The following OSBPL1A variants were observed in gnomAD, a reference collection of about 807,000 sequenced individuals.
OSBPL1A encodes the protein oxysterol binding protein like 1A.
OSBPL1A carries 80 observed loss-of-function variants against 137.1 expected under a neutral mutation model. The observed-to-expected ratio is 0.58, with a 90% CI of 0.49 to 0.70. OSBPL1A has a LOEUF of 0.70. OSBPL1A is among the 30% of genes least tolerant of loss of function. The probability of loss-of-function intolerance (pLI) is 0.00; values close to 1 mark genes in which losing one functional copy is unlikely to be tolerated. For synonymous variants in OSBPL1A, 365 were observed against 389.7 expected (o/e 0.94, Z 0.75); for missense variants, 970 against 1,129.4 (o/e 0.86, Z 2.02).
chr18:24,272,131 CG>C, intron 15 of OSBPL1A: 2 of 983,910 alleles, frequency 2.0e-6, no homozygotes, highest in Non-Finnish European at 2.4e-6. Context: ...GAGGAGAGGT[CG>C]GGGACTGCTC....
At chr18:24,321,377 G>A (rs529222977) in intron 7 of OSBPL1A, among the ~76,000 whole-genome samples, 3 of 152,292 alleles carry the variant, frequency 2.0e-5, no homozygotes, top group Admixed American at 1.3e-4. Flanking sequence ...GCTCACCACA[G>A]CCTCGACCTC....
intron 7 of OSBPL1A, among the ~76,000 whole-genome samples, chr18:24,322,739 A>G (rs2090888937): frequency 6.6e-6 from 1 of 152,146 alleles, no homozygotes; most frequent in Non-Finnish European, 1.5e-5. Flanking sequence ...ACTCCTGCCA[A>G]CTAGATGAAA....
intron 2 of OSBPL1A, among the ~76,000 whole-genome samples, chr18:24,372,999 G>A (rs1053197324): frequency 2.0e-5 from 3 of 152,102 alleles, no homozygotes; most frequent in Admixed American, 6.6e-5. Context: ...AAGAGGAGGT[G>A]GAGGTTGCAG....
intron 17 of OSBPL1A, among the ~76,000 whole-genome samples, chr18:24,203,478 T>A (rs1235365430): frequency 6.6e-6 from 1 of 152,180 alleles, no homozygotes; most frequent in Non-Finnish European, 1.5e-5. Context: ...TTTCACGAAA[T>A]ATCAAGGACA....
chr18:24,289,568 C>T (rs2090138848), intron 14 of OSBPL1A, among the ~76,000 whole-genome samples: 1 of 151,846 alleles, frequency 6.6e-6, no homozygotes, highest in African/African-American at 2.4e-5. Context: ...TACAGGCACA[C>T]GCCACAACAT....
At chr18:24,309,324 T>C (rs2090569697) in intron 13 of OSBPL1A, among the ~76,000 whole-genome samples, 1 of 152,190 alleles carries the variant, frequency 6.6e-6, no homozygotes, top group South Asian at 2.1e-4. Flanking sequence ...AAAAAATGTT[T>C]ATACTGAAAA....
intron 15 of OSBPL1A, among the ~76,000 whole-genome samples, chr18:24,250,013 T>G (rs367921675): frequency 9.9e-5 from 15 of 151,978 alleles, no homozygotes; most frequent in African/African-American, 3.6e-4. Flanking sequence ...TCCTTCTGCT[T>G]AAGGAGAAGA....
intron 18 of OSBPL1A, among the ~76,000 whole-genome samples, chr18:24,184,370 C>T (rs762189804): frequency 9.2e-5 from 14 of 152,262 alleles, no homozygotes; most frequent in African/African-American, 2.2e-4. Context: ...TCATTAAACA[C>T]GTATTTAACT....
intron 4 of OSBPL1A, chr18:24,357,546 T>C (rs2091557946): frequency 6.6e-6 from 1 of 152,166 alleles, no homozygotes; most frequent in Non-Finnish European, 1.5e-5. Flanking sequence ...GTAGCCACCT[T>C]ATTTAGGAAC....
intron 1 of OSBPL1A, among the ~76,000 whole-genome samples, chr18:24,378,355 A>G (rs991726206): frequency 6.6e-6 from 1 of 152,258 alleles, no homozygotes; most frequent in Non-Finnish European, 1.5e-5. Flanking sequence ...AAATGCATAC[A>G]ACCTTTCATA....
At chr18:24,177,544 C>T (rs951886568) in intron 21 of OSBPL1A, among the ~76,000 whole-genome samples, 1 of 152,132 alleles carries the variant, frequency 6.6e-6, no homozygotes, top group Non-Finnish European at 1.5e-5. Flanking sequence ...GATAGGGTAT[C>T]GTATGCTTAT....
intron 21 of OSBPL1A, among the ~76,000 whole-genome samples, chr18:24,175,845 C>A (rs2086431427): frequency 6.6e-6 from 1 of 152,176 alleles, no homozygotes; most frequent in African/African-American, 2.4e-5. Flanking sequence ...CATTTTTTAA[C>A]ATATAGATGT....
At chr18:24,304,587 C>A (rs1414909607) in intron 13 of OSBPL1A, among the ~76,000 whole-genome samples, 2 of 152,086 alleles carry the variant, frequency 1.3e-5, no homozygotes, top group Non-Finnish European at 2.9e-5. Flanking sequence ...GAATCACATT[C>A]TTTTAGGTAG....
At chr18:24,167,047 A>G (rs1332762261) in intron 25 of OSBPL1A, among the ~76,000 whole-genome samples, 1 of 152,200 alleles carries the variant, frequency 6.6e-6, no homozygotes, top group Non-Finnish European at 1.5e-5. Context: ...ACCAGCTTAT[A>G]TTTAATAAGG....
chr18:24,163,385 T>G, intron 27 of OSBPL1A, 104 bp from the exon 28 acceptor site: 1 of 768,772 alleles, frequency 1.3e-6, no homozygotes, highest in Non-Finnish European at 2.2e-6. Context: ...ACTCATTCTG[T>G]GAGTGAGGGA....
intron 4 of OSBPL1A, among the ~76,000 whole-genome samples, chr18:24,354,434 T>G (rs1336408321): frequency 2.6e-5 from 4 of 152,116 alleles, no homozygotes; most frequent in Non-Finnish European, 4.4e-5. Flanking sequence ...GGGAACACCT[T>G]CCAGTGAATC....
At chr18:24,227,121 A>G (rs2088109986) in intron 16 of OSBPL1A, among the ~76,000 whole-genome samples, 1 of 151,982 alleles carries the variant, frequency 6.6e-6, no homozygotes, top group Admixed American at 6.6e-5. Flanking sequence ...TCAGACTCCT[A>G]ACCTCAGGTG....
rs550859189 is a variant in OSBPL1A, at chr18:24,348,501, G to A, written c.283-6843C>T. 2.6e-5 allele frequency among the ~76,000 whole-genome samples: 4 copies of A among 152,304 alleles called. No homozygotes were observed. The East Asian group carries it at 7.7e-4, about 29-fold the overall frequency. ...ATAAAAACACCTTCAGGCCAGGCATGGTGGCTCACGCCTATAATCCCGGCA... is the reference window on the plus strand; with the variant it reads ...ATAAAAACACCTTCAGGCCAGGCATAGTGGCTCACGCCTATAATCCCGGCA... On this transcript the variant is annotated intron_variant, in intron 4 of 27. Coordinates refer to ENST00000319481, the MANE Select transcript of OSBPL1A (RefSeq NM_080597.4).
intron 18 of OSBPL1A, among the ~76,000 whole-genome samples, chr18:24,190,082 A>G (rs934735960): frequency 6.6e-6 from 1 of 152,196 alleles, no homozygotes; most frequent in Non-Finnish European, 1.5e-5. Context: ...GGAGCTGAAG[A>G]GCTTCAGAGC....
Sources: allele counts gnomAD v4.1 joint callset (sites outside exome capture counted in the v4.1 genomes callset), GRCh38; gene constraint gnomAD v4.1.1; transcripts MANE v1.5; gene names NCBI Gene and HGNC (gene_info 2026-07-23, HGNC 2026-07-21).